Variants in HSDL2 observed in about 807,000 individuals in gnomAD.
The protein encoded by HSDL2 is hydroxysteroid dehydrogenase like 2.
HSDL2 carries 27 observed loss-of-function variants against 46.3 expected under a neutral mutation model. The observed-to-expected ratio is 0.58, with a 90% CI of 0.43 to 0.80. HSDL2 has a LOEUF of 0.80. Ranked by LOEUF, HSDL2 falls within the 30% of genes least tolerant of loss-of-function variation. The pLI, the probability that HSDL2 is intolerant of heterozygous loss-of-function variation, is 0.00. For missense variants in HSDL2, 451 were observed against 502.7 expected, an observed-to-expected ratio of 0.90 and a Z score of 0.98; for synonymous variants, 153 against 163.6, an observed-to-expected ratio of 0.94 and a Z score of 0.50.
chr9:112,399,798 T>C (rs887886924), intron 1 of HSDL2, among the ~76,000 whole-genome samples: 18 of 152,230 alleles, frequency 1.2e-4, no homozygotes, highest in Admixed American at 1.0e-3. Context: ...TATGGTTGTC[T>C]TCCCTTGTTC....
chr9:112,469,116 A>C (rs1833487667), intron 10 of HSDL2, among the ~76,000 whole-genome samples: 1 of 152,240 alleles, frequency 6.6e-6, no homozygotes, highest in Non-Finnish European at 1.5e-5. Flanking sequence ...AGTAGGACAC[A>C]GCTCAGTTTA....
chr9:112,452,115 T>C (rs1031354541), intron 8 of HSDL2, among the ~76,000 whole-genome samples: 3 of 152,248 alleles, frequency 2.0e-5, no homozygotes, highest in African/African-American at 7.2e-5. Flanking sequence ...GGCTTTCATC[T>C]CTAATATCTG....
chr9:112,467,959 A>T (rs901853519), intron 10 of HSDL2, among the ~76,000 whole-genome samples: 2 of 152,104 alleles, frequency 1.3e-5, no homozygotes, highest in Non-Finnish European at 2.9e-5. Context: ...TTGGTGGCAC[A>T]CATTGTCCAG....
chr9:112,446,902 T>C (rs1215007426), intron 8 of HSDL2, among the ~76,000 whole-genome samples: 1 of 152,324 alleles, frequency 6.6e-6, no homozygotes, highest in Non-Finnish European at 1.5e-5. Context: ...CTGATCTTAG[T>C]TGGTACAAGC....
intron 9 of HSDL2, among the ~76,000 whole-genome samples, chr9:112,458,207 A>T (rs1278193003): frequency 6.6e-6 from 1 of 151,836 alleles, no homozygotes; most frequent in Non-Finnish European, 1.5e-5. Context: ...CTGTCCATCT[A>T]GCTAATTCTT....
chr9:112,471,168 A>C lies in HSDL2; in HGVS notation c.*624A>C, dbSNP rs1177144335. 1 of 152,238 alleles carries C rather than the reference A, an allele frequency of 6.6e-6. No individual in the cohort carries two copies. The highest frequency in any genetic ancestry group is 1.5e-5 in the Non-Finnish European group (1 of 68,066). 9.4% of individuals were successfully genotyped at this position (152,238 alleles called of 1,614,324 possible). On this transcript the variant is annotated 3_prime_UTR_variant, in exon 11 of 11. Transcript: ENST00000398805. ...TGTATTCCATTTAAAAATATGTTTA[A>C]ATTGTCCTAAAACAAAATAATTTTC...
intron 5 of HSDL2, 67 bp from the exon 6 acceptor site, chr9:112,418,793 T>G: frequency 1.2e-6 from 1 of 862,352 alleles, no homozygotes; most frequent in South Asian, 1.7e-5. Flanking sequence ...ATTGGTTATT[T>G]CTACTCACAA....
intron 1 of HSDL2, among the ~76,000 whole-genome samples, chr9:112,400,623 CAG>C (rs1376001849): frequency 6.6e-6 from 1 of 152,150 alleles, no homozygotes. Context: ...ACAAAACAAA[CAG>C]AACCACAAAC....
intron 8 of HSDL2, among the ~76,000 whole-genome samples, chr9:112,451,238 A>G (rs1008881198): frequency 1.3e-5 from 2 of 152,196 alleles, no homozygotes; most frequent in African/African-American, 4.8e-5. Context: ...CAATTTTAAA[A>G]TTGGCTTCTA....
chr9:112,404,088 T>A lies in HSDL2; in HGVS notation c.111T>A (p.Ile37=), dbSNP rs746614494. 36 of 1,613,996 alleles carry A rather than the reference T, an allele frequency of 2.2e-5. No homozygotes were observed. The highest frequency in any genetic ancestry group is 3.0e-5 in the Non-Finnish European group (35 of 1,179,972). The change falls in exon 2 of 11, where the codon ATT becomes ATA. Residue 37 remains isoleucine (I), a synonymous_variant. Transcript: ENST00000398805. ...ALKAAKDGAN[I]VIAAKTAQPH... is the part of the protein sequence containing the mutation. ...AAGCAGCAAAGGATGGAGCAAATATTGTTATTGCTGCAAAGACCGCCCAGC... is the reference window on the plus strand; with the variant it reads ...AAGCAGCAAAGGATGGAGCAAATATAGTTATTGCTGCAAAGACCGCCCAGC...
chr9:112,468,520 C>T (rs1833461782), intron 10 of HSDL2, among the ~76,000 whole-genome samples: 1 of 151,876 alleles, frequency 6.6e-6, no homozygotes, highest in Admixed American at 6.6e-5. Context: ...TTTCTTCCTC[C>T]TCCTCAATCC....
In HSDL2 at chr9:112,440,763, C is replaced by T. The variant is rs527770967; in HGVS notation, c.794-936C>T. On this transcript the variant is annotated intron_variant, in intron 7 of 10. Transcript: ENST00000398805. ...GTGGCTCACGCCCATAATCCCAGCACATTGGGAGGCTGAGGTGGGTGGATA... is the reference window on the plus strand; with the variant it reads ...GTGGCTCACGCCCATAATCCCAGCATATTGGGAGGCTGAGGTGGGTGGATA... 4.6e-5 allele frequency among the ~76,000 whole-genome samples: 7 copies of T among 152,260 alleles called. No individual in the cohort carries two copies. In the South Asian group the frequency reaches 1.2e-3, roughly 27 times the overall value.
At chr9:112,415,649 G>C (rs1452857503) in intron 4 of HSDL2, among the ~76,000 whole-genome samples, 2 of 152,160 alleles carry the variant, frequency 1.3e-5, no homozygotes, top group African/African-American at 4.8e-5. Flanking sequence ...GATAACCTCA[G>C]TTGGGCTTAA....
intron 6 of HSDL2, among the ~76,000 whole-genome samples, chr9:112,427,382 C>A (rs1832276043): frequency 1.3e-5 from 2 of 152,186 alleles, no homozygotes; most frequent in Admixed American, 1.3e-4. Flanking sequence ...AAGCAGATCT[C>A]AATCATAGCA....
At chr9:112,463,342 A>C (rs543688082) in intron 10 of HSDL2, among the ~76,000 whole-genome samples, 2 of 152,142 alleles carry the variant, frequency 1.3e-5, no homozygotes, top group African/African-American at 4.8e-5. Flanking sequence ...TTCTGGGCTA[A>C]AGCAATCCTC....
chr9:112,444,358 G>A (rs772063853), intron 8 of HSDL2, among the ~76,000 whole-genome samples: 4 of 151,980 alleles, frequency 2.6e-5, no homozygotes, highest in African/African-American at 9.7e-5. Flanking sequence ...AGTATTCGTC[G>A]TGTGTATGTT....
chr9:112,397,690 G>C (rs932084768), intron 1 of HSDL2, among the ~76,000 whole-genome samples: 1 of 152,054 alleles, frequency 6.6e-6, no homozygotes, highest in Non-Finnish European at 1.5e-5. Flanking sequence ...GCCTGCAGAC[G>C]GGCCTCCTCT....
chr9:112,441,786 T>C lies in HSDL2; in HGVS notation c.865+16T>C. On this transcript the variant is annotated intron_variant, in intron 8 of 10. Coordinates refer to ENST00000398805, the MANE Select transcript of HSDL2 (RefSeq NM_032303.5). Reference sequence around the variant, plus strand: ...GAATCAACTGGTAAGATCTAGACTATATTTTATGTTAGAAAATATAAATCC... The same window carrying C: ...GAATCAACTGGTAAGATCTAGACTACATTTTATGTTAGAAAATATAAATCC... 6.9e-7 allele frequency: 1 copy of C among 1,445,436 alleles called. No homozygotes were observed. Among genetic ancestry groups the C allele is most frequent in the Non-Finnish European group, 9.7e-7 (1 of 1,029,306 alleles). The allele number at this position is 1,445,436 out of a possible 1,614,324, so 89.5% of individuals were successfully genotyped here.
At chr9:112,466,563 ATC>A (rs1405618995) in intron 10 of HSDL2, among the ~76,000 whole-genome samples, 3 of 13,292 alleles carry the variant, frequency 2.3e-4, no homozygotes, top group African/African-American at 4.0e-4. Flanking sequence ...AAAAAAAAAA[ATC>A]TTCATATATT....
Sources: gnomAD v4.1 joint callset for allele counts (sites outside exome capture counted in the v4.1 genomes callset) on GRCh38, gnomAD v4.1.1 for gene constraint, MANE v1.5 for transcripts, NCBI Gene and HGNC (gene_info 2026-07-23, HGNC 2026-07-21) for gene names.